IPO11: variants seen among roughly 807,000 people sequenced by gnomAD.
The protein encoded by IPO11 is importin 11.
Under a neutral mutation model 143.2 loss-of-function variants are expected in IPO11, and 66 were observed. The observed-to-expected ratio is 0.46, with a 90% CI of 0.38 to 0.57. The LOEUF is 0.57. IPO11 is among the 20% of genes least tolerant of loss of function. IPO11 has a pLI of 0.00. For missense variants in IPO11, 1,026 were observed against 1,141.0 expected, an observed-to-expected ratio of 0.90 and a Z score of 1.45; for synonymous variants, 385 against 377.8, an observed-to-expected ratio of 1.02 and a Z score of -0.22.
At chr5:62,513,319 C>T (rs1374324119) in intron 19 of IPO11, among the ~76,000 whole-genome samples, 1 of 92,282 alleles carries the variant, frequency 1.1e-5, no homozygotes, top group African/African-American at 5.5e-5. Context: ...GGGCTGACCC[C>T]CCCACCTCCC....
rs558483618 is a variant in IPO11 at position 62,620,762 on chromosome 5, C to A, written c.2764-6392C>A. ...TAAATTATAAATGTCTCTTATCAGA[C>A]TTAAGGTCTGTGTTGATGCTAATAC... On this transcript the variant is annotated intron_variant, in intron 29 of 29. Coordinates refer to ENST00000325324, the MANE Select transcript of IPO11 (RefSeq NM_016338.5). 1.6e-4 allele frequency among the ~76,000 whole-genome samples: 25 copies of A among 152,268 alleles called. No homozygotes were observed. The East Asian group carries it at 4.6e-3, about 28-fold the overall frequency.
chr5:62,458,146 CAAAA>C (rs58357821), intron 5 of IPO11, among the ~76,000 whole-genome samples: 2 of 63,286 alleles, frequency 3.2e-5, no homozygotes, highest in Admixed American at 1.7e-4. Context: ...GACTCTGTCT[CAAAA>C]AAAAAAAAAA....
At chr5:62,592,949 A>G (rs1195402629) in intron 28 of IPO11, among the ~76,000 whole-genome samples, 1 of 152,194 alleles carries the variant, frequency 6.6e-6, no homozygotes. Context: ...TCAATGGCAC[A>G]CGACTGTAAA....
intron 8 of IPO11, among the ~76,000 whole-genome samples, chr5:62,475,558 C>T (rs139904830): frequency 4.9e-4 from 74 of 152,314 alleles, no homozygotes; most frequent in African/African-American, 1.7e-3. Flanking sequence ...TGTATTTCTA[C>T]TGCAGCTACC....
intron 1 of IPO11, among the ~76,000 whole-genome samples, chr5:62,414,878 T>C (rs1475855210): frequency 6.6e-6 from 1 of 152,226 alleles, no homozygotes; most frequent in Non-Finnish European, 1.5e-5. Flanking sequence ...TGAGGTGATC[T>C]TATGCTGATT....
intron 20 of IPO11, among the ~76,000 whole-genome samples, chr5:62,518,309 T>G (rs1742092890): frequency 1.3e-5 from 2 of 151,888 alleles, no homozygotes; most frequent in South Asian, 4.2e-4. Context: ...CCAGGTGAGG[T>G]GGCACATGCC....
At chr5:62,537,331 A>G (rs367676187) in intron 24 of IPO11, 42 bp downstream of exon 24, 97 of 1,264,452 alleles carry the variant, frequency 7.7e-5, no homozygotes, top group Non-Finnish European at 1.1e-4. Flanking sequence ...TGAATTTTTC[A>G]TTTATATTTT....
chr5:62,451,788 A>G lies in IPO11; in HGVS notation c.371A>G (p.Gln124Arg). 6.2e-7 allele frequency: 1 copy of G among 1,614,188 alleles called. No individual in the cohort carries two copies. The highest frequency in any genetic ancestry group is 8.5e-7 in the Non-Finnish European group (1 of 1,180,018). Residue 124 changes from glutamine (Q) to arginine (R), a missense_variant, in exon 5 of 30, where the codon CAG becomes CGG. Coordinates refer to ENST00000325324, the MANE Select transcript of IPO11 (RefSeq NM_016338.5). ...AKVARLDCPRQWPELIPTLIE... is the reference protein window; with the variant it reads ...AKVARLDCPRRWPELIPTLIE... ...GTTGCTAGATTGGATTGTCCCAGAC[A>G]GTGGCCTGAACTAATTCCCACTCTT...
chr5:62,479,320 C>T (rs1746096857), intron 9 of IPO11, among the ~76,000 whole-genome samples: 1 of 152,202 alleles, frequency 6.6e-6, no homozygotes. Flanking sequence ...GCCACATTTT[C>T]TTAATCCAGT....
At chr5:62,429,682 G>C (rs1314183308) in intron 1 of IPO11, among the ~76,000 whole-genome samples, 1 of 151,778 alleles carries the variant, frequency 6.6e-6, no homozygotes, top group Non-Finnish European at 1.5e-5. Flanking sequence ...GGAGTGCAGT[G>C]GTGCGATCTT....
chr5:62,442,949 A>T (rs997007152), intron 2 of IPO11, 34 bp from the exon 3 acceptor site: 4 of 1,193,248 alleles, frequency 3.4e-6, no homozygotes, highest in Non-Finnish European at 4.9e-6. Flanking sequence ...TACTTATTCC[A>T]TGCTAATTCT....
At chr5:62,593,016 A>G (rs539826123) in intron 28 of IPO11, among the ~76,000 whole-genome samples, 8 of 152,332 alleles carry the variant, frequency 5.3e-5, no homozygotes, top group African/African-American at 1.9e-4. Context: ...TTAGGATATG[A>G]TCAGATGTTC....
chr5:62,551,144 G>T, intron 25 of IPO11, 79 bp from the exon 26 acceptor site: 1 of 738,908 alleles, frequency 1.4e-6, no homozygotes, highest in South Asian at 1.7e-5. Context: ...TTATATCCCT[G>T]TTGCTTGTTA....
chr5:62,435,164 A>ATATATATGTATATATATGTG (rs1744159579), intron 1 of IPO11, among the ~76,000 whole-genome samples: 1 of 98,442 alleles, frequency 1.0e-5, no homozygotes, highest in African/African-American at 4.1e-5. Context: ...ATATATATGT[A>ATATATATGTATATATATGTG]TATATATGTA....
chr5:62,500,022 C>T (rs1388923143), intron 16 of IPO11, among the ~76,000 whole-genome samples: 11 of 152,134 alleles, frequency 7.2e-5, no homozygotes, highest in African/African-American at 9.7e-5. Context: ...TGGTAGCTCA[C>T]GCCTATAATC....
chr5:62,528,980 C>T (rs1742455564), intron 21 of IPO11, among the ~76,000 whole-genome samples: 1 of 152,054 alleles, frequency 6.6e-6, no homozygotes. Flanking sequence ...CTAGGCTTTT[C>T]AAAAACAACC....
At chr5:62,604,580 T>C (rs774573764) in intron 29 of IPO11, among the ~76,000 whole-genome samples, 2 of 152,182 alleles carry the variant, frequency 1.3e-5, no homozygotes, top group Admixed American at 6.5e-5. Context: ...AAGTATAGCC[T>C]AACATTTGTC....
At chr5:62,463,396 G>A (rs964578357) in intron 5 of IPO11, among the ~76,000 whole-genome samples, 1 of 152,048 alleles carries the variant, frequency 6.6e-6, no homozygotes, top group Non-Finnish European at 1.5e-5. Flanking sequence ...AGGCATGGTA[G>A]CTTATGCCTG....
At chr5:62,432,845 A>C (rs931766718) in intron 1 of IPO11, among the ~76,000 whole-genome samples, 13 of 152,148 alleles carry the variant, frequency 8.5e-5, no homozygotes, top group Admixed American at 2.6e-4. Context: ...TCATATCAGG[A>C]GGCACTTAAG....
Sources: allele counts gnomAD v4.1 joint callset (sites outside exome capture counted in the v4.1 genomes callset), GRCh38; gene constraint gnomAD v4.1.1; transcripts MANE v1.5; gene names NCBI Gene and HGNC (gene_info 2026-07-23, HGNC 2026-07-21).